The following RAB8B variants were observed in gnomAD, a reference collection of about 807,000 sequenced individuals.
RAB8B encodes the protein ras-related protein Rab-8B.
In RAB8B, 11 loss-of-function variants were observed where a neutral mutation model predicts 32.0. The observed-to-expected ratio is 0.34, with a 90% CI of 0.22 to 0.57. The LOEUF (loss-of-function observed/expected upper bound fraction) is 0.57. Ranked by LOEUF, RAB8B falls within the 20% of genes least tolerant of loss-of-function variation. The pLI, the probability that RAB8B is intolerant of heterozygous loss-of-function variation, is 0.86. For missense variants in RAB8B, 190 were observed against 258.5 expected (o/e 0.73, Z 1.82); for synonymous variants, 103 against 89.6 (o/e 1.15, Z -0.85).
At chr15:63,217,122 T>C (rs2037799120) in intron 1 of RAB8B, among the ~76,000 whole-genome samples, 1 of 152,170 alleles carries the variant, frequency 6.6e-6, no homozygotes, top group African/African-American at 2.4e-5. Context: ...ATCAGATATC[T>C]CATTAGATAA....
chr15:63,263,350 GA>G (rs1241663697), intron 7 of RAB8B, among the ~76,000 whole-genome samples, 176 bp from the exon 8 acceptor site: 2 of 152,064 alleles, frequency 1.3e-5, no homozygotes, highest in Non-Finnish European at 2.9e-5. Context: ...CATTTCCAAA[GA>G]AAAAGACAAC....
intron 1 of RAB8B, among the ~76,000 whole-genome samples, chr15:63,209,633 G>A (rs926515895): frequency 5.3e-5 from 8 of 151,914 alleles, no homozygotes; most frequent in African/African-American, 9.7e-5. Context: ...AAATAAAACC[G>A]TCATTTTCTG....
At chr15:63,234,422 C>G (rs2037961245) in intron 1 of RAB8B, among the ~76,000 whole-genome samples, 1 of 152,218 alleles carries the variant, frequency 6.6e-6, no homozygotes, top group African/African-American at 2.4e-5. Context: ...CAATCTGTCC[C>G]TTTACCATGT....
intron 1 of RAB8B, among the ~76,000 whole-genome samples, chr15:63,243,252 C>A (rs189667011): frequency 7.5e-4 from 114 of 152,364 alleles, no homozygotes; most frequent in African/African-American, 2.6e-3. Context: ...TTGCCTGCCA[C>A]TGAATTCCTG....
chr15:63,263,056 T>C (rs2038215233), intron 7 of RAB8B, among the ~76,000 whole-genome samples: 1 of 152,232 alleles, frequency 6.6e-6, no homozygotes. Flanking sequence ...TATTTATATC[T>C]GCATAACTAC....
chr15:63,219,448 CTTT>C (rs568968975), intron 1 of RAB8B, among the ~76,000 whole-genome samples: 68 of 143,612 alleles, frequency 4.7e-4, no homozygotes, highest in Admixed American at 9.0e-4. Flanking sequence ...TCCAGACCAA[CTTT>C]TTTTTTTTTT....
rs1306579006 is a variant in RAB8B at position 63,264,859 on chromosome 15, C to T, written c.*1240C>T. ...AACAGCTGTTGTTGATTGTGTAGAA[C>T]CCAGTTCCATCTGTTTTGGTTCATT... is the stretch of plus-strand genomic sequence containing the variant. On this transcript the variant is annotated 3_prime_UTR_variant, in exon 8 of 8. Coordinates refer to ENST00000321437, the MANE Select transcript of RAB8B (RefSeq NM_016530.3). The T allele has an allele frequency of 6.6e-6, 1 of 152,574 alleles. No homozygotes were observed. The highest frequency in any genetic ancestry group is 1.5e-5 in the Non-Finnish European group (1 of 68,036). The allele number at this position is 152,574 out of a possible 1,614,324, so 9.5% of individuals were successfully genotyped here.
chr15:63,258,596 A>T (rs578099466), intron 5 of RAB8B, among the ~76,000 whole-genome samples: 1 of 152,226 alleles, frequency 6.6e-6, no homozygotes, highest in East Asian at 1.9e-4. Flanking sequence ...CAAAACCACA[A>T]ATTTATCGAA....
chr15:63,253,682 A>T (rs1281626376), intron 3 of RAB8B, among the ~76,000 whole-genome samples: 1 of 152,140 alleles, frequency 6.6e-6, no homozygotes, highest in Non-Finnish European at 1.5e-5. Flanking sequence ...GAAAAAAAAG[A>T]ATGAAATTAA....
chr15:63,206,281 T>C (rs2037697180), intron 1 of RAB8B, among the ~76,000 whole-genome samples: 1 of 152,158 alleles, frequency 6.6e-6, no homozygotes, highest in African/African-American at 2.4e-5. Context: ...CGCACATAAA[T>C]ATGTACAGTT....
At chr15:63,223,588 T>A (rs2141123288) in intron 1 of RAB8B, among the ~76,000 whole-genome samples, 1 of 152,344 alleles carries the variant, frequency 6.6e-6, no homozygotes, top group Middle Eastern at 3.4e-3. Flanking sequence ...ACTAGGTGTG[T>A]AGTACATGCT....
At chr15:63,250,266 A>G (rs1327710169) in intron 3 of RAB8B, among the ~76,000 whole-genome samples, 1 of 152,218 alleles carries the variant, frequency 6.6e-6, no homozygotes, top group Non-Finnish European at 1.5e-5. Flanking sequence ...ATGTGATTGT[A>G]TATTTTCATT....
intron 1 of RAB8B, among the ~76,000 whole-genome samples, chr15:63,213,973 C>T (rs751370345): frequency 2.0e-5 from 3 of 151,772 alleles, no homozygotes; most frequent in African/African-American, 4.8e-5. Context: ...CCCAGCTACT[C>T]GGGAGGCTGA....
At chr15:63,235,140 G>A (rs1595744271) in intron 1 of RAB8B, among the ~76,000 whole-genome samples, 1 of 23,932 alleles carries the variant, frequency 4.2e-5, no homozygotes, top group East Asian at 1.2e-3. Context: ...CAAAATTTCA[G>A]AGATAAAATG....
At chr15:63,227,660 T>C (rs2141125845) in intron 1 of RAB8B, among the ~76,000 whole-genome samples, 1 of 152,356 alleles carries the variant, frequency 6.6e-6, no homozygotes, top group South Asian at 2.1e-4. Flanking sequence ...CTTCACCCTC[T>C]GAACCCCTGG....
Position 63,230,728 on chromosome 15 carries a change from C to G in RAB8B, c.125-14028C>G, listed in dbSNP as rs1474042316. On this transcript the variant is annotated intron_variant, in intron 1 of 7. Coordinates refer to ENST00000321437, the MANE Select transcript of RAB8B (RefSeq NM_016530.3). Reference sequence around the variant, plus strand: ...TTATTATTTTAGAGACAGGGCCTTGCTCTGTTTCCCAGGTGGGAGTGCAGT... The same window carrying G: ...TTATTATTTTAGAGACAGGGCCTTGGTCTGTTTCCCAGGTGGGAGTGCAGT... Among the ~76,000 whole-genome samples, 11 of 152,132 alleles carry G rather than the reference C, an allele frequency of 7.2e-5. No homozygotes were observed. In the East Asian group the frequency reaches 2.1e-3, roughly 29 times the overall value.
chr15:63,223,802 C>A, intron 1 of RAB8B: 1 of 391,072 alleles, frequency 2.6e-6, no homozygotes, highest in Non-Finnish European at 5.1e-6. Flanking sequence ...TACACTGTTC[C>A]AAAAAAGGAG....
rs562518188 is a variant in RAB8B at position 63,211,302 on chromosome 15, C to T, written c.124+21554C>T. 1.2e-4 allele frequency among the ~76,000 whole-genome samples: 19 copies of T among 152,222 alleles called. No individual in the cohort carries two copies. The South Asian group carries it at 2.1e-3, about 17-fold the overall frequency. On this transcript the variant is annotated intron_variant, in intron 1 of 7. Coordinates refer to ENST00000321437, the MANE Select transcript of RAB8B (RefSeq NM_016530.3). ...TACTGGGAAATGCTTCACAGATGTT[C>T]CTGAAACTACAGCCAGATTGAGTGA... is the stretch of plus-strand genomic sequence containing the variant.
chr15:63,193,072 A>T (rs1425098671), intron 1 of RAB8B, among the ~76,000 whole-genome samples: 1 of 152,156 alleles, frequency 6.6e-6, no homozygotes, highest in Non-Finnish European at 1.5e-5. Context: ...AAAGTAAATT[A>T]AAAAATTAGC....
Sources: allele counts gnomAD v4.1 joint callset (sites outside exome capture counted in the v4.1 genomes callset), GRCh38; gene constraint gnomAD v4.1.1; transcripts MANE v1.5; gene names NCBI Gene and HGNC (gene_info 2026-07-23, HGNC 2026-07-21).